The following F13B variants were observed in gnomAD, a reference collection of about 807,000 sequenced individuals.
The protein encoded by F13B is coagulation factor XIII B chain.
In F13B, 58 loss-of-function variants were observed where a neutral mutation model predicts 79.8. That is an observed-to-expected ratio of 0.73 (90% CI 0.59 to 0.90). The LOEUF (loss-of-function observed/expected upper bound fraction) is 0.90. Ranked by LOEUF, F13B falls within the 40% of genes least tolerant of loss-of-function variation. The pLI, the probability that F13B is intolerant of heterozygous loss-of-function variation, is 0.00. For missense variants in F13B, 773 were observed against 777.0 expected, an observed-to-expected ratio of 0.99 and a Z score of 0.06; for synonymous variants, 283 against 260.3, an observed-to-expected ratio of 1.09 and a Z score of -0.84.
At chr1:197,049,550 A>G (rs980724248) in intron 10 of F13B, among the ~76,000 whole-genome samples, 1 of 152,120 alleles carries the variant, frequency 6.6e-6, no homozygotes, top group Non-Finnish European at 1.5e-5. Context: ...AATTACCATT[A>G]TTTGTTAAAC....
chr1:197,040,602 T>C lies in F13B; in HGVS notation c.1872A>G (p.Glu624=), dbSNP rs1440111569. ...TAAGTATAGATCCAGTAATATATAA[T>C]TCAGCTGGATAAGTATCTCCTCTAC... The part of the protein sequence containing the change: ...FICRGDTYPA[E]LYITGSILRM... Residue 624 remains glutamate, a synonymous_variant, in exon 11 of 12, where the codon GAA becomes GAG. Coordinates refer to ENST00000367412, the MANE Select transcript of F13B (RefSeq NM_001994.3). The C allele has an allele frequency of 6.8e-6, 11 of 1,612,988 alleles. No individual in the cohort carries two copies. In the Admixed American group the frequency reaches 1.7e-4, roughly 24 times the overall value.
chr1:197,041,089 A>C (rs951894411), intron 10 of F13B, among the ~76,000 whole-genome samples: 2 of 152,204 alleles, frequency 1.3e-5, no homozygotes, highest in African/African-American at 4.8e-5. Context: ...GGTCATTGAT[A>C]TCATGCTCTT....
chr1:197,063,175 TCTTA>T (rs1655930051), intron 1 of F13B, 118 bp from the exon 2 acceptor site: 4 of 834,600 alleles, frequency 4.8e-6, no homozygotes, highest in Admixed American at 4.4e-5. Flanking sequence ...TACTTATTTT[TCTTA>T]CTTAAATTTT....
chr1:197,053,203 C>T (rs1571560453), intron 8 of F13B, among the ~76,000 whole-genome samples: 1 of 152,076 alleles, frequency 6.6e-6, no homozygotes, highest in African/African-American at 2.4e-5. Flanking sequence ...ATGGAGCTTA[C>T]CTTCTAACTG....
intron 10 of F13B, among the ~76,000 whole-genome samples, chr1:197,049,191 G>A (rs1655351368): frequency 1.3e-5 from 2 of 151,914 alleles, no homozygotes; most frequent in South Asian, 4.2e-4. Flanking sequence ...AGTAATCTAT[G>A]TATTCATCTA....
At chr1:197,048,821 A>G (rs1030441376) in intron 10 of F13B, among the ~76,000 whole-genome samples, 8 of 53,530 alleles carry the variant, frequency 1.5e-4, no homozygotes, top group African/African-American at 2.3e-4. Flanking sequence ...TGACAAAGTT[A>G]ACTTTTTTCA....
At chr1:197,059,808 A>C (rs1418980132) in intron 5 of F13B, among the ~76,000 whole-genome samples, 1 of 152,158 alleles carries the variant, frequency 6.6e-6, no homozygotes, top group African/African-American at 2.4e-5. Context: ...ATAACTATGG[A>C]TGTCTTCTGA....
intron 10 of F13B, among the ~76,000 whole-genome samples, chr1:197,041,870 G>T (rs1237482777): frequency 6.6e-6 from 1 of 152,046 alleles, no homozygotes; most frequent in African/African-American, 2.4e-5. Flanking sequence ...AAGACTCATT[G>T]TTACCATGGA....
At chr1:197,050,031 AT>A (rs1467786512) in intron 10 of F13B, among the ~76,000 whole-genome samples, 1 of 152,108 alleles carries the variant, frequency 6.6e-6, no homozygotes, top group African/African-American at 2.4e-5. Context: ...CTTTAACTTG[AT>A]TTTTAAAAAA....
At position 197,050,759 on chromosome 1, in the gene F13B, A is replaced by G. The variant is rs547842597; in HGVS notation, c.1676T>C (p.Leu559Pro). The change falls in exon 10 of 12, where the codon CTA becomes CCA. Residue 559 changes from leucine (L) to proline (P), a missense_variant. Leu to Pro is a moderately conservative substitution (Grantham distance 98). Transcript: ENST00000367412. ...VEYRCFDHHF[L>P]EGSREAYCLD... is the part of the protein sequence containing the mutation. ...ACAATAGGCCTCCCTAGATCCTTCT[A>G]GGAAATGGTGATCAAAACATCTGTA... 1 of 1,613,426 alleles carries G rather than the reference A, an allele frequency of 6.2e-7. No homozygotes were observed. The highest frequency in any genetic ancestry group is 1.1e-5 in the South Asian group (1 of 91,076).
chr1:197,067,189 A>C lies in F13B; in HGVS notation c.35T>G (p.Leu12Trp). 6.2e-7 allele frequency: 1 copy of C among 1,608,258 alleles called. No homozygotes were observed. The highest frequency in any genetic ancestry group is 8.5e-7 in the Non-Finnish European group (1 of 1,175,342). ...RLKNLTFIII[L>W]IISGELYAEE... ...TGCATAGAGTTCTCCTGAGATTATC[A>C]ATATGATGATAAAAGTCAGGTTTTT... The change falls in exon 1 of 12, where the codon TTG becomes TGG. Residue 12 changes from leucine (L) to tryptophan (W), a missense_variant. By Grantham distance (61) the Leu-to-Trp change is moderately conservative. Transcript: ENST00000367412.
intron 11 of F13B, among the ~76,000 whole-genome samples, chr1:197,039,637 T>G (rs958718607): frequency 6.6e-6 from 1 of 152,210 alleles, no homozygotes; most frequent in Non-Finnish European, 1.5e-5. Flanking sequence ...CGTGTTTACC[T>G]TTTTCTCTTA....
Position 197,057,289 on chromosome 1 carries a change from T to C in F13B, c.982A>G (p.Ile328Val), listed in dbSNP as rs762088912. The change falls in exon 6 of 12, where the codon ATT becomes GTT. Residue 328 changes from isoleucine to valine, a missense_variant. By Grantham distance (29) the Ile-to-Val change is conservative. Transcript: ENST00000367412. ...GCTTCTTCAAGGTGTTACTAACCAA[T>C]GCATTTTGGAGGTTCTGTCCATTTT... ...DGKWTEPPKC[I>V]EGQEKVACEE... The C allele has an allele frequency of 7.4e-6, 12 of 1,613,914 alleles. 1 individual carries two copies. The Admixed American group carries it at 1.2e-4, about 16-fold the overall frequency.
chr1:197,046,859 C>T (rs557997796), intron 10 of F13B, among the ~76,000 whole-genome samples: 92 of 152,044 alleles, frequency 6.1e-4, no homozygotes, highest in African/African-American at 2.1e-3. Context: ...ATAATGCACA[C>T]ACATACAACC....
intron 11 of F13B, 142 bp downstream of exon 11, chr1:197,040,380 G>A: frequency 1.6e-6 from 1 of 635,234 alleles, no homozygotes; most frequent in Non-Finnish European, 2.7e-6. Flanking sequence ...TTTGTTTGGT[G>A]TAAAAAAAAT....
At chr1:197,053,533 C>T (rs771282073) in intron 8 of F13B, among the ~76,000 whole-genome samples, 6 of 152,118 alleles carry the variant, frequency 3.9e-5, no homozygotes, top group South Asian at 2.1e-4. Flanking sequence ...ATTGTGAGGC[C>T]TCCCCAGCCA....
At position 197,041,470 on chromosome 1, in the gene F13B, TTTC is replaced by T. The variant is rs1366574133; in HGVS notation, c.1739-738_1739-736del. 3.3e-5 allele frequency among the ~76,000 whole-genome samples: 5 copies of T among 152,284 alleles called. No individual in the cohort carries two copies. The East Asian group carries it at 9.6e-4, about 29-fold the overall frequency. ...TATCAAATTATTTCAGAAAATGGGATTTCTTATGTCCTTATTTGTCTCCTGGAT... is the reference window on the plus strand; with the variant it reads ...TATCAAATTATTTCAGAAAATGGGATTTATGTCCTTATTTGTCTCCTGGAT... On this transcript the variant is annotated intron_variant, in intron 10 of 11. Transcript: ENST00000367412.
Position 197,067,254 on chromosome 1 carries a change from C to T in F13B, c.-31G>A. 1 of 1,507,390 alleles carries T rather than the reference C, an allele frequency of 6.6e-7. No individual in the cohort carries two copies. Among genetic ancestry groups the T allele is most frequent in the Non-Finnish European group, 9.2e-7 (1 of 1,084,016 alleles). 93.4% of individuals were successfully genotyped at this position (1,507,390 alleles called of 1,614,324 possible). Reference sequence around the variant, plus strand: ...GTGGTGTGCTTCACAAAGATTTTAACAATTCTAAGCACTAGGAACTTGTCA... The same window carrying T: ...GTGGTGTGCTTCACAAAGATTTTAATAATTCTAAGCACTAGGAACTTGTCA... On this transcript the variant is annotated 5_prime_UTR_variant, in exon 1 of 12. Transcript: ENST00000367412.
At chr1:197,066,543 G>A (rs746545243) in intron 1 of F13B, among the ~76,000 whole-genome samples, 75 of 152,118 alleles carry the variant, frequency 4.9e-4, no homozygotes, top group Non-Finnish European at 9.0e-4. Context: ...GTATTGGTTT[G>A]TTTGGAAAGT....
Sources: allele counts gnomAD v4.1 joint callset (sites outside exome capture counted in the v4.1 genomes callset), GRCh38; gene constraint gnomAD v4.1.1; transcripts MANE v1.5; gene names NCBI Gene and HGNC (gene_info 2026-07-23, HGNC 2026-07-21).